IRAK1BP1: variants seen among roughly 807,000 people sequenced by gnomAD.
IRAK1BP1 encodes the protein interleukin-1 receptor-associated kinase 1-binding protein 1.
IRAK1BP1 carries 24 observed loss-of-function variants against 28.0 expected under a neutral mutation model. That is an observed-to-expected ratio of 0.86 (90% confidence interval 0.62 to 1.20). IRAK1BP1 has a LOEUF of 1.20. Ranked by LOEUF, IRAK1BP1 falls within the 50% of genes most tolerant of loss-of-function variation. The pLI is 0.00. For missense variants in IRAK1BP1, 336 were observed against 316.7 expected (o/e 1.06, Z -0.46); for synonymous variants, 131 against 116.3 (o/e 1.13, Z -0.81).
downstream of IRAK1BP1, among the ~76,000 whole-genome samples, chr6:78,903,859 T>C (rs1354831): frequency 0.46 from 69,898 of 151,890 alleles, 16,597 homozygotes; most frequent in East Asian, 0.69. Context: ...AATACAGACA[T>C]ATAGTTTCAG....
At chr6:78,895,057 G>A (rs1185614389) in intron 2 of IRAK1BP1, among the ~76,000 whole-genome samples, 5 of 151,246 alleles carry the variant, frequency 3.3e-5, no homozygotes, top group East Asian at 1.9e-4. Flanking sequence ...GCAGTGAGCC[G>A]AGATCGTGCC....
the IRAK1BP1 span, among the ~76,000 whole-genome samples, chr6:78,953,851 G>T: frequency 1.3e-5 from 2 of 152,026 alleles, no homozygotes; most frequent in Non-Finnish European, 2.9e-5. Context: ...TTCCCAAAGT[G>T]CTGGGATTAC....
chr6:78,914,599 ATTAAT>A (rs1167173580), intron 4 of IRAK1BP1, among the ~76,000 whole-genome samples: 1 of 152,206 alleles, frequency 6.6e-6, no homozygotes, highest in Non-Finnish European at 1.5e-5. Flanking sequence ...CTTTTAAAAA[ATTAAT>A]TTAAGGCAAT....
At chr6:78,977,628 T>C in the IRAK1BP1 span, among the ~76,000 whole-genome samples, 214 of 152,230 alleles carry the variant, frequency 1.4e-3, no homozygotes, top group African/African-American at 4.9e-3. Flanking sequence ...CCTAACCATT[T>C]TGAAAGGAAA....
chr6:78,924,864 C>A (rs549268521), intron 4 of IRAK1BP1, among the ~76,000 whole-genome samples: 107 of 152,278 alleles, frequency 7.0e-4, no homozygotes, highest in African/African-American at 2.5e-3. Context: ...AAGAGACATG[C>A]ACACATATGT....
intron 1 of IRAK1BP1, among the ~76,000 whole-genome samples, chr6:78,869,856 C>CCCA (rs1770729580): frequency 6.6e-6 from 1 of 151,838 alleles, no homozygotes; most frequent in Non-Finnish European, 1.5e-5. Flanking sequence ...CGCCTGTAAT[C>CCCA]CCATCACTTT....
At chr6:78,948,094 G>A (rs1218575295), downstream of IRAK1BP1, among the ~76,000 whole-genome samples, 1 of 151,992 alleles carries the variant, frequency 6.6e-6, no homozygotes, top group Non-Finnish European at 1.5e-5. Context: ...CTCTACAACC[G>A]AAAGTTTGAA....
intron 4 of IRAK1BP1, among the ~76,000 whole-genome samples, chr6:78,916,539 A>G (rs1189697755): frequency 1.3e-5 from 2 of 152,204 alleles, no homozygotes; most frequent in African/African-American, 2.4e-5. Flanking sequence ...ACTCATAAAC[A>G]TGTTTAGACT....
At chr6:78,941,719 T>C (rs1452470538) in intron 4 of IRAK1BP1, among the ~76,000 whole-genome samples, 1 of 152,134 alleles carries the variant, frequency 6.6e-6, no homozygotes, top group Non-Finnish European at 1.5e-5. Context: ...ATGGCAGTTT[T>C]CACAGGCTTT....
chr6:78,970,041 G>T, the IRAK1BP1 span: 2 of 1,612,982 alleles, frequency 1.2e-6, no homozygotes, highest in African/African-American at 2.7e-5. Flanking sequence ...TCTTTCAACA[G>T]TCCTTACTTC....
chr6:78,887,038 A>G (rs990160318), intron 2 of IRAK1BP1, among the ~76,000 whole-genome samples: 1 of 152,208 alleles, frequency 6.6e-6, no homozygotes, highest in Non-Finnish European at 1.5e-5. Context: ...AAAATGTACC[A>G]ACCTAAGCAT....
intron 4 of IRAK1BP1, among the ~76,000 whole-genome samples, chr6:78,929,584 C>G (rs1772986286): frequency 1.3e-5 from 2 of 152,146 alleles, no homozygotes; most frequent in Non-Finnish European, 2.9e-5. Flanking sequence ...ACTATGGGTA[C>G]TATGCTTGGT....
intron 2 of IRAK1BP1, among the ~76,000 whole-genome samples, chr6:78,894,348 A>G (rs1235147105): frequency 6.6e-6 from 1 of 152,204 alleles, no homozygotes. Context: ...TGTACTTTAA[A>G]TATGAAGACA....
chr6:78,953,629 A>G, the IRAK1BP1 span, among the ~76,000 whole-genome samples: 1 of 152,298 alleles, frequency 6.6e-6, no homozygotes, highest in East Asian at 1.9e-4. Context: ...TCTCTTCCAC[A>G]TTTAACATTC....
intron 4 of IRAK1BP1, among the ~76,000 whole-genome samples, chr6:78,910,312 C>T (rs1562094361): frequency 6.6e-6 from 1 of 152,190 alleles, no homozygotes; most frequent in Non-Finnish European, 1.5e-5. Flanking sequence ...GCATAAAAAA[C>T]GCGATGGATT....
At chr6:78,883,228 T>A (rs1392135643) in intron 1 of IRAK1BP1, among the ~76,000 whole-genome samples, 1 of 152,150 alleles carries the variant, frequency 6.6e-6, no homozygotes, top group Non-Finnish European at 1.5e-5. Context: ...ACCACTACAC[T>A]GCAGCCTGGA....
chr6:78,959,375 T>C, the IRAK1BP1 span, among the ~76,000 whole-genome samples: 3 of 152,118 alleles, frequency 2.0e-5, no homozygotes, highest in Non-Finnish European at 4.4e-5. Flanking sequence ...GCATTTCAAA[T>C]AGATTCACAA....
chr6:78,945,176 A>G, intron 4 of IRAK1BP1: 3 of 694,042 alleles, frequency 4.3e-6, no homozygotes, highest in Non-Finnish European at 7.6e-6. Flanking sequence ...AAATTTATCA[A>G]CTAATACAGA....
At chr6:78,922,899 G>T (rs1772779030) in intron 4 of IRAK1BP1, among the ~76,000 whole-genome samples, 1 of 152,166 alleles carries the variant, frequency 6.6e-6, no homozygotes, top group Non-Finnish European at 1.5e-5. Context: ...CCCCAGGCCT[G>T]CCCTACAAGA....
Sources: gnomAD v4.1 joint callset for allele counts (sites outside exome capture counted in the v4.1 genomes callset) on GRCh38, gnomAD v4.1.1 for gene constraint, MANE v1.5 for transcripts, NCBI Gene and HGNC (gene_info 2026-07-23, HGNC 2026-07-21) for gene names.